The following PPL variants were observed in gnomAD, a reference collection of about 807,000 sequenced individuals.
PPL encodes periplakin.
In PPL, 198 loss-of-function variants were observed where a neutral mutation model predicts 194.4. That is an observed-to-expected ratio of 1.02 (90% CI 0.91 to 1.15). PPL has a LOEUF of 1.15. PPL is among the 50% of genes most tolerant of loss of function. PPL has a pLI of 0.00. For synonymous variants in PPL, 1,220 were observed against 972.4 expected, an observed-to-expected ratio of 1.25 and a Z score of -4.74; for missense variants, 2,885 against 2,294.8, an observed-to-expected ratio of 1.26 and a Z score of -5.25.
intron 3 of PPL, among the ~76,000 whole-genome samples, chr16:4,903,530 G>T (rs1229173900): frequency 6.6e-6 from 1 of 152,044 alleles, no homozygotes; most frequent in African/African-American, 2.4e-5. Flanking sequence ...GACCAGCCTG[G>T]CCAACATGGA....
chr16:4,935,493 G>A (rs1004515593), intron 1 of PPL, among the ~76,000 whole-genome samples: 2 of 152,204 alleles, frequency 1.3e-5, no homozygotes, highest in African/African-American at 4.8e-5. Context: ...ACGGGCCTCT[G>A]GTTGGGTCTG....
chr16:4,884,213 T>A lies in PPL; in HGVS notation c.4442A>T (p.Glu1481Val), dbSNP rs775766782. The change falls in exon 22 of 22, where the codon GAG becomes GTG. Residue 1481 changes from glutamate (E) to valine (V), a missense_variant. Coordinates refer to ENST00000345988, the MANE Select transcript of PPL (RefSeq NM_002705.5). This position sits in a 1 kb window ranked among gnomAD's most constrained non-coding sequence, Gnocchi z 5.7. ...HRRQLLEGEL[E>V]TLRRKLAALE... ...TGCAGCCAGTTTCCTCCGGAGGGTCTCGAGCTCCCCCTCCAGGAGCTGCCG... is the reference window on the plus strand; with the variant it reads ...TGCAGCCAGTTTCCTCCGGAGGGTCACGAGCTCCCCCTCCAGGAGCTGCCG... 14 of 1,613,898 alleles carry A rather than the reference T, an allele frequency of 8.7e-6. 1 individual carries two copies. In the Admixed American group the frequency reaches 2.3e-4, roughly 27 times the overall value.
intron 2 of PPL, 64 bp downstream of exon 2, chr16:4,910,786 C>G: frequency 1.5e-6 from 2 of 1,370,048 alleles, no homozygotes; most frequent in Non-Finnish European, 2.1e-6. Flanking sequence ...CCAAACAGAT[C>G]CTGGTCCTGA....
Position 4,890,915 on chromosome 16 carries a change from C to CCATG in PPL, c.1971_1974dup (p.Ala659HisfsTer4). 1 of 1,519,828 alleles carries CCATG rather than the reference C, an allele frequency of 6.6e-7. No individual in the cohort carries two copies. Among genetic ancestry groups the CCATG allele is most frequent in the East Asian group, 2.5e-5 (1 of 40,140 alleles). 94.1% of individuals were successfully genotyped at this position (1,519,828 alleles called of 1,614,324 possible). A position where few individuals can be genotyped will look rare whatever the true frequency, so the allele number is the denominator to read the frequency against. On this transcript the variant is annotated frameshift_variant, in exon 17 of 22. Transcript: ENST00000345988. LOFTEE classifies it high-confidence loss of function. ...GACTTCTGGGCCTGTAACTCACAGG[C>CCATG]CATGGCCTGGCGGGGCAGAGGAGGA...
chr16:4,911,877 C>T (rs951809838), intron 1 of PPL, among the ~76,000 whole-genome samples: 1 of 152,072 alleles, frequency 6.6e-6, no homozygotes, highest in Non-Finnish European at 1.5e-5. Flanking sequence ...CACTCTGTCA[C>T]CCAGACTGGA....
chr16:4,888,173 C>G lies in PPL; in HGVS notation c.2443G>C (p.Glu815Gln), dbSNP rs2088249277. ...CTCACGTGGCTTCTCCTTCCATTCT[C>G]CAAGTCGAGAAGAGACCTTAGTTTT... is the stretch of plus-strand genomic sequence containing the variant. ...AEKLRSLLDL[E>Q]NGRRSHVSKR... The change falls in exon 20 of 22, where the codon GAG (glutamate) becomes CAG (glutamine). Residue 815 changes from glutamate to glutamine, a missense_variant. Coordinates refer to ENST00000345988, the MANE Select transcript of PPL (RefSeq NM_002705.5). The G allele has an allele frequency of 6.2e-7, 1 of 1,613,724 alleles. No homozygotes were observed. The highest frequency in any genetic ancestry group is 1.3e-5 in the African/African-American group (1 of 74,920).
intron 2 of PPL, among the ~76,000 whole-genome samples, chr16:4,904,974 T>C (rs2088654413): frequency 6.6e-6 from 1 of 152,124 alleles, no homozygotes; most frequent in African/African-American, 2.4e-5. Context: ...GCCGGGACAG[T>C]AGGTTTCTAA....
intron 1 of PPL, 145 bp downstream of exon 1, chr16:4,936,839 T>C: frequency 1.3e-6 from 1 of 758,818 alleles, no homozygotes; most frequent in Non-Finnish European, 1.9e-6. Context: ...GGTCCCGCGT[T>C]CCCGAGAGTC....
Position 4,899,218 on chromosome 16 carries a change from C to T in PPL, c.768+5G>A. 3 of 1,613,870 alleles carry T rather than the reference C, an allele frequency of 1.9e-6. No individual in the cohort carries two copies. Among genetic ancestry groups the T allele is most frequent in the Non-Finnish European group, 2.5e-6 (3 of 1,179,892 alleles). The stretch of plus-strand genomic sequence containing the variant: ...TCCCTGATGCCCCAGGCCCCCAGAA[C>T]CCACCTCATACTGGCGCCGGCGGCT... On this transcript the variant is annotated splice_donor_5th_base_variant and intron_variant, in intron 7 of 21. Transcript: ENST00000345988.
rs902926148 is a variant in PPL at position 4,890,842 on chromosome 16, G to A, written c.2048C>T (p.Ser683Leu). 10 of 1,572,700 alleles carry A rather than the reference G, an allele frequency of 6.4e-6. No individual in the cohort carries two copies. The highest frequency in any genetic ancestry group is 2.7e-5 in the African/African-American group (2 of 73,896). Residue 683 changes from serine (S) to leucine (L), a missense_variant, in exon 17 of 22, where the codon TCG becomes TTG. Physicochemically the swap from Ser to Leu is moderately radical, Grantham distance 145. Transcript: ENST00000345988. ...CTGGAAGCGGCTGGCCAGTGTGCTC[G>A]AGCACTGCTTGGCCGCCTGCAAGTT... ...EQNLQAAKQCSSTLASRFQEH... is the reference protein window; with the variant it reads ...EQNLQAAKQCLSTLASRFQEH...
intron 1 of PPL, among the ~76,000 whole-genome samples, chr16:4,925,927 T>C (rs1221397066): frequency 6.6e-6 from 1 of 152,186 alleles, no homozygotes; most frequent in Non-Finnish European, 1.5e-5. Context: ...TGTTGTCATT[T>C]TCATCAGTAC....
chr16:4,920,052 G>A (rs1010516596), intron 1 of PPL, among the ~76,000 whole-genome samples: 2 of 152,008 alleles, frequency 1.3e-5, no homozygotes, highest in Admixed American at 1.3e-4. Flanking sequence ...TTGGGAGGCC[G>A]AGGCAGGTGG....
Position 4,895,514 on chromosome 16 carries a change from C to G in PPL, c.1095+80G>C, listed in dbSNP as rs955533131. On this transcript the variant is annotated intron_variant, in intron 10 of 21. Transcript: ENST00000345988. ...AGCAGGTGGGGTGCTGTGGAGGGGC[C>G]TGTACAGGGCTGAGGGCAGGCATGG... 14 of 1,607,900 alleles carry G rather than the reference C, an allele frequency of 8.7e-6. No homozygotes were observed. In the Admixed American group the frequency reaches 1.5e-4, roughly 17 times the overall value.
Position 4,913,083 on chromosome 16 carries a change from A to G in PPL, c.63-2134T>C, listed in dbSNP as rs2088852235. On this transcript the variant is annotated intron_variant, in intron 1 of 21. Coordinates refer to ENST00000345988, the MANE Select transcript of PPL (RefSeq NM_002705.5). Reference sequence around the variant, plus strand: ...TGCACCACTGCACTCCAGCCTGGGTAACAGAGCGAGACTCCATCTCGAAAA... The same window carrying G: ...TGCACCACTGCACTCCAGCCTGGGTGACAGAGCGAGACTCCATCTCGAAAA... 3.9e-5 allele frequency among the ~76,000 whole-genome samples: 6 copies of G among 152,030 alleles called. No individual in the cohort carries two copies. The South Asian group carries it at 1.2e-3, about 32-fold the overall frequency.
chr16:4,897,729 C>G lies in PPL; in HGVS notation c.918G>C (p.Leu306=). ...EAVHADWKEY[L]NLLICEESHL... Reference sequence around the variant, plus strand: ...GGCTCTCCTCGCAGATGAGCAGGTTCAGGTACTCCTTCCAGTCTGCGTGCA... The same window carrying G: ...GGCTCTCCTCGCAGATGAGCAGGTTGAGGTACTCCTTCCAGTCTGCGTGCA... Residue 306 remains leucine, a synonymous_variant, in exon 9 of 22, where the codon CTG becomes CTC. Transcript: ENST00000345988. The G allele has an allele frequency of 3.1e-6, 5 of 1,613,970 alleles. 1 individual carries two copies. In the South Asian group the frequency reaches 5.5e-5, roughly 18 times the overall value.
intron 1 of PPL, among the ~76,000 whole-genome samples, chr16:4,917,817 A>G (rs7198615): frequency 0.82 from 124,376 of 151,966 alleles, 53,277 homozygotes; most frequent in East Asian, 0.99. Flanking sequence ...TAGGAGGATT[A>G]CTTGAGCCCA....
intron 1 of PPL, among the ~76,000 whole-genome samples, chr16:4,919,238 G>T (rs2088988381): frequency 6.6e-6 from 1 of 152,186 alleles, no homozygotes; most frequent in Non-Finnish European, 1.5e-5. Context: ...TCATTACCCA[G>T]ATGAGCAAAC....
intron 21 of PPL, among the ~76,000 whole-genome samples, chr16:4,886,440 C>G (rs1021222679): frequency 2.6e-5 from 4 of 152,212 alleles, no homozygotes; most frequent in African/African-American, 9.6e-5. Flanking sequence ...AGAGCTCATT[C>G]CAGCTCAGCA....
intron 1 of PPL, among the ~76,000 whole-genome samples, chr16:4,918,008 G>C (rs1287277112): frequency 1.3e-5 from 2 of 148,972 alleles, no homozygotes. Flanking sequence ...ACACAAAAAA[G>C]GCAGCTGGGC....
Sources: allele counts gnomAD v4.1 joint callset (sites outside exome capture counted in the v4.1 genomes callset), GRCh38; gene constraint gnomAD v4.1.1; non-coding constraint Gnocchi (gnomAD v3.1); transcripts MANE v1.5; gene names NCBI Gene and HGNC (gene_info 2026-07-23, HGNC 2026-07-21).